Variants in PTPN5 observed in about 807,000 individuals in gnomAD.
PTPN5 encodes tyrosine-protein phosphatase non-receptor type 5.
In PTPN5, 29 loss-of-function variants were observed where a neutral mutation model predicts 73.9. That is an observed-to-expected ratio of 0.39 (90% CI 0.29 to 0.54). The LOEUF is 0.54. Among genes scored for constraint, PTPN5 ranks in the 20% least tolerant of loss-of-function variants. The probability of loss-of-function intolerance (pLI) is 0.65; values close to 1 mark genes in which losing one functional copy is unlikely to be tolerated. For missense variants in PTPN5, 652 were observed against 751.4 expected (o/e 0.87, Z 1.55); for synonymous variants, 267 against 304.7 (o/e 0.88, Z 1.29).
In PTPN5 at chr11:18,740,633, C is replaced by A. The variant is rs1404626825; in HGVS notation, c.885G>T (p.Leu295=). The A allele has an allele frequency of 6.3e-7, 1 of 1,595,388 alleles. No individual in the cohort carries two copies. Among genetic ancestry groups the A allele is most frequent in the Admixed American group, 1.7e-5 (1 of 57,232 alleles). ...ATTCCGCCTGCAGCAGGAAAGGGTC[C>A]AGGGCCTTTTCATGAAGCTCTTCTG... is the stretch of plus-strand genomic sequence containing the variant. ...LQAEELHEKA[L]DPFLLQAEFF... The change falls in exon 8 of 15, where the codon CTG becomes CTT. Residue 295 remains leucine (L), a synonymous_variant. Transcript: ENST00000358540.
In PTPN5 at chr11:18,765,861, C is replaced by T. The variant is rs1173717699; in HGVS notation, c.43G>A (p.Ala15Thr). 1.3e-6 allele frequency: 2 copies of T among 1,580,194 alleles called. No individual in the cohort carries two copies. Among genetic ancestry groups the T allele is most frequent in the East Asian group, 2.3e-5 (1 of 43,580 alleles). Residue 15 changes from alanine to threonine, a missense_variant, in exon 3 of 15, where the codon GCT (alanine) becomes ACT (threonine). Physicochemically the swap from Ala to Thr is moderately conservative, Grantham distance 58. Around this residue, in one of 3 missense-constraint regions of PTPN5, gnomAD observed 529 missense variants for 573.9 expected, o/e 0.92. Coordinates refer to ENST00000358540, the MANE Select transcript of PTPN5 (RefSeq NM_006906.2). ...AGGGCCCCTCCCTCGGAGTCATCAG[C>T]AGCGTGGTTCTCTCTCTCACTCCTG... ...GARSERENHA[A>T]DDSEGGALDM...
chr11:18,755,821 T>G (rs1340268883), intron 3 of PTPN5, among the ~76,000 whole-genome samples: 1 of 151,768 alleles, frequency 6.6e-6, no homozygotes, highest in African/African-American at 2.4e-5. Flanking sequence ...CTGGCCAACA[T>G]GGTGAAACCC....
Position 18,729,633 on chromosome 11 carries a change from CCAGTGGCTGGCTGGGAGGACCCACCTG to C in PTPN5, c.1488_1490+24del. On this transcript the variant is annotated splice_donor_variant and splice_donor_5th_base_variant and coding_sequence_variant and intron_variant, in exon 13 of 15. Transcript: ENST00000358540. LOFTEE classifies it high-confidence loss of function. The surrounding 1 kb of genome is among the most constrained non-coding windows in gnomAD (Gnocchi z 5.2). Reference sequence around the variant, plus strand: ...CCAGCGGGTGGGGGGCTGCCCCGCTCCAGTGGCTGGCTGGGAGGACCCACCTGCAGTGGACGATGATGGGGGCACAGT... The same window carrying C: ...CCAGCGGGTGGGGGGCTGCCCCGCTCCAGTGGACGATGATGGGGGCACAGT... 1 of 1,577,776 alleles carries C rather than the reference CCAGTGGCTGGCTGGGAGGACCCACCTG, an allele frequency of 6.3e-7. No homozygotes were observed. The highest frequency in any genetic ancestry group is 8.6e-7 in the Non-Finnish European group (1 of 1,164,518).
At chr11:18,752,036 GCCTGGCCAATATGGT>G in intron 3 of PTPN5, among the ~76,000 whole-genome samples, 1 of 152,268 alleles carries the variant, frequency 6.6e-6, no homozygotes, top group South Asian at 2.1e-4. Context: ...TTCGAGACCA[GCCTGGCCAATATGGT>G]AAAACCCCGT....
chr11:18,740,845 G>A (rs1849334103), intron 7 of PTPN5, 53 bp from the exon 8 acceptor site: 2 of 1,269,608 alleles, frequency 1.6e-6, no homozygotes, highest in Non-Finnish European at 2.1e-6. Context: ...GGACGGGCAT[G>A]AGCTGGGGTC....
At chr11:18,737,222 G>A (rs761060328) in intron 9 of PTPN5, among the ~76,000 whole-genome samples, 1 of 152,122 alleles carries the variant, frequency 6.6e-6, no homozygotes, top group African/African-American at 2.4e-5. Context: ...GATACCCCAG[G>A]GCTGAAAGAG....
chr11:18,736,752 G>A (rs1419525949), intron 9 of PTPN5, among the ~76,000 whole-genome samples: 1 of 152,176 alleles, frequency 6.6e-6, no homozygotes, highest in Non-Finnish European at 1.5e-5. Context: ...ATGCAGCGGG[G>A]ACTGCATCTG....
intron 1 of PTPN5, among the ~76,000 whole-genome samples, chr11:18,779,403 G>C (rs1403207842): frequency 6.6e-6 from 1 of 152,092 alleles, no homozygotes; most frequent in Non-Finnish European, 1.5e-5. Flanking sequence ...ATCCCAGGTG[G>C]GACCAAGAGT....
At chr11:18,745,433 C>T (rs1440064768) in intron 3 of PTPN5, among the ~76,000 whole-genome samples, 1 of 152,166 alleles carries the variant, frequency 6.6e-6, no homozygotes, top group African/African-American at 2.4e-5. Context: ...GCTTCCCAGC[C>T]GGGCCCATTT....
In PTPN5 at chr11:18,728,948, G is replaced by C. The variant is rs1413286867; in HGVS notation, c.1684C>G (p.Gln562Glu). 6.2e-7 allele frequency: 1 copy of C among 1,613,496 alleles called. No individual in the cohort carries two copies. The highest frequency in any genetic ancestry group is 1.1e-5 in the South Asian group (1 of 91,012). ...GAGAAGCGCAGTCATTCTGGGGACT[G>C]GTGGGACAGCTGCTTTTCGTAGAGG... ...MSLYEKQLSH[Q>E]SPE Residue 562 changes from glutamine (Q) to glutamate (E), a missense_variant, in exon 15 of 15, where the codon CAG (glutamine) becomes GAG (glutamate). Physicochemically the swap from Gln to Glu is conservative, Grantham distance 29. Around this residue, in one of 3 missense-constraint regions of PTPN5, gnomAD observed 21 missense variants for 16.9 expected, o/e 1.24. Transcript: ENST00000358540. The surrounding 1 kb of genome is among the most constrained non-coding windows in gnomAD (Gnocchi z 4.1).
At position 18,728,653 on chromosome 11, in the gene PTPN5, C is replaced by T. The variant is rs1463694597; in HGVS notation, c.*281G>A. 5.2e-6 allele frequency: 2 copies of T among 383,028 alleles called. No homozygotes were observed. Among genetic ancestry groups the T allele is most frequent in the South Asian group, 3.9e-5 (1 of 25,446 alleles). 23.7% of individuals were successfully genotyped at this position (383,028 alleles called of 1,614,324 possible). On this transcript the variant is annotated 3_prime_UTR_variant, in exon 15 of 15. Coordinates refer to ENST00000358540, the MANE Select transcript of PTPN5 (RefSeq NM_006906.2). This position sits in a 1 kb window ranked among gnomAD's most constrained non-coding sequence, Gnocchi z 4.1. ...CTGGATCAGGTATTGATGGAACCAT[C>T]GTTAAAAACTGGAGCCCGGGGTCTG...
At chr11:18,732,016 G>A (rs1848898967) in intron 12 of PTPN5, among the ~76,000 whole-genome samples, 1 of 152,052 alleles carries the variant, frequency 6.6e-6, no homozygotes, top group South Asian at 2.1e-4. Flanking sequence ...ACAACTTCAG[G>A]GTGGGAGGAT....
intron 2 of PTPN5, among the ~76,000 whole-genome samples, chr11:18,768,674 G>A (rs1049166408): frequency 6.6e-6 from 1 of 152,154 alleles, no homozygotes; most frequent in Non-Finnish European, 1.5e-5. Context: ...AAAGCAGAAC[G>A]AGTAGCACCT....
At chr11:18,746,695 A>G (rs1288135380) in intron 3 of PTPN5, among the ~76,000 whole-genome samples, 1 of 152,206 alleles carries the variant, frequency 6.6e-6, no homozygotes, top group Admixed American at 6.5e-5. Context: ...GTGCCAATGG[A>G]GTCTAAGAGG....
At chr11:18,792,308 C>T (rs188984650), upstream of PTPN5, 106 of 152,450 alleles carry the variant, frequency 7.0e-4, 2 homozygotes, top group African/African-American at 2.5e-3. Flanking sequence ...TTGCCAACAC[C>T]TGCGCAAGTG....
At chr11:18,766,853 G>A (rs1850667170) in intron 2 of PTPN5, among the ~76,000 whole-genome samples, 1 of 152,146 alleles carries the variant, frequency 6.6e-6, no homozygotes. Context: ...AACCAGCCTG[G>A]GTCAATCAGA....
In PTPN5 at chr11:18,750,531, C is replaced by CA. The variant is rs559965400; in HGVS notation, c.98-6333dup. 2.1e-3 allele frequency among the ~76,000 whole-genome samples: 327 copies of CA among 152,298 alleles called. 3 individuals carry two copies. The highest frequency in any genetic ancestry group is 1.2e-3 in the Non-Finnish European group (79 of 68,022). The stretch of plus-strand genomic sequence containing the variant: ...CTGTCAACTGTGTCCAAAATGCCAC[C>CA]AGTAGACACTGACTTCTTGTTCATA... On this transcript the variant is annotated intron_variant, in intron 3 of 14. Transcript: ENST00000358540.
intron 3 of PTPN5, among the ~76,000 whole-genome samples, chr11:18,755,874 T>C (rs1373538513): frequency 6.6e-6 from 1 of 151,840 alleles, no homozygotes; most frequent in East Asian, 1.9e-4. Context: ...CATGGTAGCA[T>C]GTGCCTGTAA....
chr11:18,775,066 A>G (rs1269820993), intron 1 of PTPN5, among the ~76,000 whole-genome samples: 1 of 152,180 alleles, frequency 6.6e-6, no homozygotes, highest in Non-Finnish European at 1.5e-5. Context: ...TAGCAAACTC[A>G]GTCCTCACAG....
Sources: gnomAD v4.1 joint callset for allele counts (sites outside exome capture counted in the v4.1 genomes callset) on GRCh38, gnomAD v4.1.1 for gene constraint, gnomAD v4.1.1 regional missense constraint, Gnocchi (gnomAD v3.1) non-coding constraint, MANE v1.5 for transcripts, NCBI Gene and HGNC (gene_info 2026-07-23, HGNC 2026-07-21) for gene names.